The following SLC35F3 variants were observed in gnomAD, a reference collection of about 807,000 sequenced individuals.
The protein encoded by SLC35F3 is putative thiamine transporter SLC35F3.
In SLC35F3, 25 loss-of-function variants were observed where a neutral mutation model predicts 49.9. The observed-to-expected ratio is 0.50, with a 90% confidence interval of 0.37 to 0.70. SLC35F3 has a LOEUF of 0.70. Ranked by LOEUF, SLC35F3 falls within the 30% of genes least tolerant of loss-of-function variation. The pLI, the probability that SLC35F3 is intolerant of heterozygous loss-of-function variation, is 0.00. For synonymous variants in SLC35F3, 275 were observed against 265.4 expected (o/e 1.04, Z -0.35); for missense variants, 525 against 639.8 (o/e 0.82, Z 1.94).
intron 2 of SLC35F3, among the ~76,000 whole-genome samples, chr1:234,033,924 G>A (rs779295709): frequency 4.7e-4 from 71 of 152,124 alleles, no homozygotes; most frequent in Non-Finnish European, 8.8e-4. Flanking sequence ...GAATCGCATC[G>A]AATATGTAGA....
intron 3 of SLC35F3, among the ~76,000 whole-genome samples, chr1:234,253,878 T>G (rs553080425): frequency 1.3e-5 from 2 of 152,198 alleles, no homozygotes; most frequent in East Asian, 3.9e-4. Flanking sequence ...ACAAGGAAGG[T>G]CAATGTCACT....
intron 2 of SLC35F3, among the ~76,000 whole-genome samples, chr1:233,941,567 A>G (rs985276711): frequency 6.6e-6 from 1 of 152,208 alleles, no homozygotes; most frequent in African/African-American, 2.4e-5. Flanking sequence ...TGTGAAGTAA[A>G]TTAACCAGTT....
chr1:234,066,417 A>T (rs1015897888), intron 2 of SLC35F3, among the ~76,000 whole-genome samples: 1 of 151,866 alleles, frequency 6.6e-6, no homozygotes, highest in African/African-American at 2.4e-5. Flanking sequence ...CGCTGGCCTC[A>T]TTGCTGTTTC....
chr1:234,237,006 GTAGTTTGGCTGTGAAGAC>G, intron 3 of SLC35F3, among the ~76,000 whole-genome samples: 1 of 144,780 alleles, frequency 6.9e-6, no homozygotes, highest in East Asian at 2.1e-4. Context: ...TGGCTTGGCT[GTAGTTTGGCTGTGAAGAC>G]AGGGCACAGT....
intron 2 of SLC35F3, among the ~76,000 whole-genome samples, chr1:234,021,820 C>A (rs1663900726): frequency 6.6e-6 from 1 of 152,140 alleles, no homozygotes. Flanking sequence ...CTATAATGTT[C>A]ATTTTTTTCA....
chr1:234,012,508 G>A (rs545460280), intron 2 of SLC35F3, among the ~76,000 whole-genome samples: 3 of 152,234 alleles, frequency 2.0e-5, no homozygotes, highest in Non-Finnish European at 4.4e-5. Flanking sequence ...GGTCCCTGCG[G>A]CTTTCCGCAG....
At chr1:234,273,890 C>T (rs1668153261) in intron 3 of SLC35F3, among the ~76,000 whole-genome samples, 1 of 152,166 alleles carries the variant, frequency 6.6e-6, no homozygotes, top group Non-Finnish European at 1.5e-5. Context: ...AAAGGTAAGA[C>T]TGACCAGCAC....
At chr1:234,038,752 G>T (rs1418874499) in intron 2 of SLC35F3, among the ~76,000 whole-genome samples, 1 of 152,190 alleles carries the variant, frequency 6.6e-6, no homozygotes, top group Non-Finnish European at 1.5e-5. Flanking sequence ...GATCATTCTG[G>T]CTGCCCTCTG....
At chr1:234,222,324 C>G (rs1302941253) in intron 2 of SLC35F3, among the ~76,000 whole-genome samples, 1 of 152,190 alleles carries the variant, frequency 6.6e-6, no homozygotes, top group East Asian at 1.9e-4. Flanking sequence ...GGAGATTAAG[C>G]CTGAGAGGTC....
intron 2 of SLC35F3, among the ~76,000 whole-genome samples, chr1:234,079,487 G>A (rs897896487): frequency 2.0e-5 from 3 of 152,112 alleles, no homozygotes; most frequent in Non-Finnish European, 2.9e-5. Context: ...AAGGCACAAC[G>A]ATTTTGCAAA....
At chr1:234,128,683 T>C (rs1665685988) in intron 2 of SLC35F3, among the ~76,000 whole-genome samples, 1 of 152,228 alleles carries the variant, frequency 6.6e-6, no homozygotes, top group Admixed American at 6.5e-5. Flanking sequence ...AAGGCATGGG[T>C]ATGCAAAGGC....
chr1:233,909,770 G>GC lies in SLC35F3; in HGVS notation c.283+4017dup, dbSNP rs539184884. On this transcript the variant is annotated intron_variant, in intron 2 of 7. Coordinates refer to ENST00000366618, the MANE Select transcript of SLC35F3 (RefSeq NM_173508.4). ...TTAGATGTCAGTAGCTTACCACCCT[G>GC]CCCCCTAAGTTGTAGCAACTCAGTA... Among the ~76,000 whole-genome samples, 9 of 152,258 alleles carry GC rather than the reference G, an allele frequency of 5.9e-5. No individual in the cohort carries two copies. The East Asian group carries it at 1.7e-3, about 29-fold the overall frequency.
intron 2 of SLC35F3, among the ~76,000 whole-genome samples, chr1:234,010,700 T>C (rs565347905): frequency 6.0e-4 from 92 of 152,224 alleles, no homozygotes; most frequent in Admixed American, 1.1e-3. Context: ...TTTAGATCCT[T>C]GAATATTTGC....
chr1:234,022,599 G>A (rs935176289), intron 2 of SLC35F3, among the ~76,000 whole-genome samples: 3 of 152,152 alleles, frequency 2.0e-5, no homozygotes, highest in African/African-American at 7.2e-5. Flanking sequence ...GGGACCTCTA[G>A]ACTGGTGTTT....
At chr1:233,915,698 C>T (rs907736970) in intron 2 of SLC35F3, among the ~76,000 whole-genome samples, 6 of 152,292 alleles carry the variant, frequency 3.9e-5, no homozygotes, top group East Asian at 1.9e-4. Flanking sequence ...TACAGTTCCA[C>T]GTGGCTGGGG....
chr1:233,922,339 T>G (rs1374600194), intron 2 of SLC35F3, among the ~76,000 whole-genome samples: 2 of 152,160 alleles, frequency 1.3e-5, no homozygotes, highest in Admixed American at 1.3e-4. Context: ...CCATTCTAAC[T>G]GGTGTGAGAT....
At chr1:234,172,982 T>C (rs2102919778) in intron 2 of SLC35F3, among the ~76,000 whole-genome samples, 1 of 152,286 alleles carries the variant, frequency 6.6e-6, no homozygotes, top group East Asian at 1.9e-4. Context: ...ATCCCTGACC[T>C]TAGGGCAAAA....
intron 2 of SLC35F3, among the ~76,000 whole-genome samples, chr1:234,109,886 T>G (rs115736176): frequency 6.6e-6 from 1 of 152,264 alleles, no homozygotes; most frequent in African/African-American, 2.4e-5. Flanking sequence ...AGCTGGGCTT[T>G]GAAGATGGGT....
rs187430354 is a variant in SLC35F3, at chr1:234,138,675, G to C, written c.284-92742G>C. 1.6e-3 allele frequency among the ~76,000 whole-genome samples: 249 copies of C among 152,238 alleles called. 2 individuals are homozygous for C. The highest frequency in any genetic ancestry group is 5.6e-3 in the African/African-American group (234 of 41,550). ...TGATCCTCCCACCTCAGCCTTCCAA[G>C]TAGCTGTGATTATAGGTGTGCGCCA... On this transcript the variant is annotated intron_variant, in intron 2 of 7. Coordinates refer to ENST00000366618, the MANE Select transcript of SLC35F3 (RefSeq NM_173508.4).
Sources: gnomAD v4.1 joint callset for allele counts (sites outside exome capture counted in the v4.1 genomes callset) on GRCh38, gnomAD v4.1.1 for gene constraint, MANE v1.5 for transcripts, NCBI Gene and HGNC (gene_info 2026-07-23, HGNC 2026-07-21) for gene names.